KIF19: variants seen among roughly 807,000 people sequenced by gnomAD.
KIF19 encodes the protein kinesin-like protein KIF19.
In KIF19, 98 loss-of-function variants were observed where a neutral mutation model predicts 106.6. That is an observed-to-expected ratio of 0.92 (90% CI 0.78 to 1.09). The LOEUF is 1.09. Ranked by LOEUF, KIF19 falls within the 50% of genes least tolerant of loss-of-function variation. The probability of loss-of-function intolerance (pLI) is 0.00; values close to 1 mark genes in which losing one functional copy is unlikely to be tolerated. For missense variants in KIF19, 1,373 were observed against 1,414.3 expected (o/e 0.97, Z 0.47); for synonymous variants, 516 against 584.2 (o/e 0.88, Z 1.68).
chr17:74,331,547 G>A lies in KIF19; in HGVS notation c.120+3042G>A, dbSNP rs983773561. Among the ~76,000 whole-genome samples, 1 of 151,702 alleles carries A rather than the reference G, an allele frequency of 6.6e-6. No individual in the cohort carries two copies. Among genetic ancestry groups the A allele is most frequent in the Non-Finnish European group, 1.5e-5 (1 of 67,936 alleles). ...TCTGGGACAGGAACCCAGGGTGCTT[G>A]GATTCTGGGGAAGCTGGAGTTCGGA... is the stretch of plus-strand genomic sequence containing the variant. On this transcript the variant is annotated intron_variant, in intron 2 of 19. Coordinates refer to ENST00000389916, the MANE Select transcript of KIF19 (RefSeq NM_153209.4). The surrounding 1 kb of genome is among the most constrained non-coding windows in gnomAD (Gnocchi z 4.1).
chr17:74,350,514 C>A lies in KIF19; in HGVS notation c.1327C>A (p.Leu443Met), dbSNP rs760245631. 2.9e-5 allele frequency: 46 copies of A among 1,612,718 alleles called. No individual in the cohort carries two copies. The highest frequency in any genetic ancestry group is 3.4e-5 in the Non-Finnish European group (40 of 1,179,842). The change falls in exon 11 of 20, where the codon CTG becomes ATG. Residue 443 changes from leucine to methionine, a missense_variant. By Grantham distance (15) the Leu-to-Met change is conservative. This residue lies in a region of KIF19 where 1,020 missense variants were observed against 1,008.2 expected (regional missense o/e 1.01). Transcript: ENST00000389916. ...GGATGTGCGGAGGCGCCTGCTGGAG[C>A]TGGAGAACCGCGCCATGGAGGTCCA... ...QMDVRRRLLE[L>M]ENRAMEVQID...
At position 74,349,352 on chromosome 17, in the gene KIF19, G is replaced by A. The variant is rs764356190; in HGVS notation, c.1213+3G>A. The A allele has an allele frequency of 6.3e-7, 1 of 1,593,364 alleles. No individual in the cohort carries two copies. The highest frequency in any genetic ancestry group is 8.5e-7 in the Non-Finnish European group (1 of 1,170,228). On this transcript the variant is annotated splice_donor_region_variant and intron_variant, in intron 10 of 19. Coordinates refer to ENST00000389916, the MANE Select transcript of KIF19 (RefSeq NM_153209.4). ...GGGTGACATCCGCCACATCCAAGGT[G>A]CGCCTGTGGGTCTGTGTGAGTGGCA...
At chr17:74,354,732 G>C (rs199854059) in intron 18 of KIF19, 50 bp from the exon 19 acceptor site, 1 of 1,535,848 alleles carries the variant, frequency 6.5e-7, no homozygotes, top group Non-Finnish European at 8.8e-7. Flanking sequence ...GATCCTGGTA[G>C]CAGATCCCTG....
rs951378126 is a variant in KIF19, at chr17:74,331,538, A to G, written c.120+3033A>G. ...GGAGAGTCCTCTGGGACAGGAACCC[A>G]GGGTGCTTGGATTCTGGGGAAGCTG... On this transcript the variant is annotated intron_variant, in intron 2 of 19. Transcript: ENST00000389916. The surrounding 1 kb of genome is among the most constrained non-coding windows in gnomAD (Gnocchi z 4.1). 1.3e-5 allele frequency among the ~76,000 whole-genome samples: 2 copies of G among 151,486 alleles called. No homozygotes were observed. The highest frequency in any genetic ancestry group is 2.9e-5 in the Non-Finnish European group (2 of 67,910).
chr17:74,353,992 G>C (rs1326341206), intron 17 of KIF19, among the ~76,000 whole-genome samples, 170 bp from the exon 18 acceptor site: 1 of 152,234 alleles, frequency 6.6e-6, no homozygotes, highest in Non-Finnish European at 1.5e-5. Flanking sequence ...CCCATTTGCA[G>C]ATGAAAGTGA....
intron 2 of KIF19, chr17:74,328,839 C>T (rs1417330848): frequency 1.0e-5 from 2 of 194,170 alleles, no homozygotes; most frequent in Non-Finnish European, 2.1e-5. Context: ...CTAAAGCTCG[C>T]CTCTAGGGTG....
At chr17:74,326,764 C>A (rs1426602050) in intron 1 of KIF19, among the ~76,000 whole-genome samples, 2 of 152,150 alleles carry the variant, frequency 1.3e-5, no homozygotes, top group African/African-American at 4.8e-5. Context: ...CCCAGTTAAT[C>A]AGAGGCTGCT....
intron 19 of KIF19, 108 bp downstream of exon 19, chr17:74,355,049 T>C: frequency 6.5e-7 from 1 of 1,547,446 alleles, no homozygotes; most frequent in Non-Finnish European, 8.8e-7. Flanking sequence ...GCTGGAAGCA[T>C]GGTTCTAGCA....
chr17:74,349,799 AG>A (rs2054643897), intron 10 of KIF19, among the ~76,000 whole-genome samples: 1 of 113,552 alleles, frequency 8.8e-6, no homozygotes, highest in African/African-American at 4.7e-5. Context: ...CAGACAGTAA[AG>A]ATTTTTTTTT....
chr17:74,342,821 G>A, intron 4 of KIF19, 104 bp downstream of exon 4: 1 of 1,292,588 alleles, frequency 7.7e-7, no homozygotes, highest in South Asian at 1.2e-5. Context: ...CCAGGATGTG[G>A]TCGCTCCACA....
At position 74,344,223 on chromosome 17, in the gene KIF19, A is replaced by C. The variant is rs1439683752; in HGVS notation, c.457A>C (p.Ile153Leu). 1.2e-6 allele frequency: 2 copies of C among 1,609,880 alleles called. No homozygotes were observed. The highest frequency in any genetic ancestry group is 2.7e-5 in the African/African-American group (2 of 74,632). The change falls in exon 6 of 20, where the codon ATC becomes CTC. Residue 153 changes from isoleucine to leucine, a missense_variant and splice_region_variant. This residue lies in a region of KIF19 where 348 missense variants were observed against 389.5 expected (regional missense o/e 0.89). Coordinates refer to ENST00000389916, the MANE Select transcript of KIF19 (RefSeq NM_153209.4). ...ACCCCTCCCCCACCTGTCCCGTCAGATCTACAATGAGATGATCCGGGACCT... is the reference window on the plus strand; with the variant it reads ...ACCCCTCCCCCACCTGTCCCGTCAGCTCTACAATGAGATGATCCGGGACCT... ...EYEVSMSYLE[I>L]YNEMIRDLLN...
At chr17:74,345,217 G>T (rs1482047723) in intron 7 of KIF19, among the ~76,000 whole-genome samples, 1 of 152,146 alleles carries the variant, frequency 6.6e-6, no homozygotes, top group African/African-American at 2.4e-5. Flanking sequence ...GGGGAATGGG[G>T]TAGGGCATCC....
intron 8 of KIF19, among the ~76,000 whole-genome samples, chr17:74,347,198 A>G (rs956678693): frequency 6.6e-6 from 1 of 152,166 alleles, no homozygotes; most frequent in Admixed American, 6.5e-5. Flanking sequence ...GACTGCACCT[A>G]GAAGCCGGGG....
At chr17:74,354,646 A>G (rs2054825211) in intron 18 of KIF19, 87 bp downstream of exon 18, 1 of 1,531,578 alleles carries the variant, frequency 6.5e-7, no homozygotes, top group African/African-American at 1.4e-5. Flanking sequence ...GCTCCAGGGC[A>G]CCTCTAGCCT....
intron 2 of KIF19, among the ~76,000 whole-genome samples, chr17:74,339,576 C>G (rs1477758215): frequency 6.7e-6 from 1 of 149,572 alleles, no homozygotes; most frequent in Non-Finnish European, 1.5e-5. Context: ...CGCCCCCTTC[C>G]CTCCCACTGA....
chr17:74,349,461 G>GT (rs1391125678), intron 10 of KIF19, 112 bp downstream of exon 10: 5 of 1,110,618 alleles, frequency 4.5e-6, no homozygotes, highest in Non-Finnish European at 6.2e-6. Context: ...TGGCTGGGTG[G>GT]TTGAGCTAGG....
At chr17:74,348,354 TA>T (rs892432424) in intron 9 of KIF19, among the ~76,000 whole-genome samples, 2 of 152,254 alleles carry the variant, frequency 1.3e-5, no homozygotes, top group African/African-American at 4.8e-5. Context: ...TTAAGGAAGT[TA>T]AGTGACTTCC....
In KIF19 at chr17:74,342,775, C is replaced by G. The variant is rs1319318820; in HGVS notation, c.319+58C>G. 10 of 1,492,192 alleles carry G rather than the reference C, an allele frequency of 6.7e-6. No individual in the cohort carries two copies. In the South Asian group the frequency reaches 1.0e-4, roughly 15 times the overall value. 92.4% of individuals were successfully genotyped at this position (1,492,192 alleles called of 1,614,324 possible). A position where few individuals can be genotyped will look rare whatever the true frequency, so the allele number is the denominator to read the frequency against. On this transcript the variant is annotated intron_variant, in intron 4 of 19. Transcript: ENST00000389916. ...CGCAATGCCCCTGTAATCCCCGTCA[C>G]CCTCCAACTAGTCTGACCCCAGCTG...
chr17:74,350,381 C>A lies in KIF19; in HGVS notation c.1214-20C>A. On this transcript the variant is annotated intron_variant, in intron 10 of 19. Coordinates refer to ENST00000389916, the MANE Select transcript of KIF19 (RefSeq NM_153209.4). ...GAACTTGCCGCCTCCTCTACCTTGC[C>A]CACCCTCACCCATCGGCAGCTGAGG... 6.4e-7 allele frequency: 1 copy of A among 1,566,602 alleles called. No individual in the cohort carries two copies. Among genetic ancestry groups the A allele is most frequent in the South Asian group, 1.2e-5 (1 of 85,540 alleles).
Sources: gnomAD v4.1 joint callset for allele counts (sites outside exome capture counted in the v4.1 genomes callset) on GRCh38, gnomAD v4.1.1 for gene constraint, gnomAD v4.1.1 regional missense constraint, Gnocchi (gnomAD v3.1) non-coding constraint, MANE v1.5 for transcripts, NCBI Gene and HGNC (gene_info 2026-07-23, HGNC 2026-07-21) for gene names.